Variants in RAD51B observed in about 807,000 individuals in gnomAD.
The protein encoded by RAD51B is DNA repair protein RAD51 homolog 2.
In RAD51B, 38 loss-of-function variants were observed where a neutral mutation model predicts 42.2. That is an observed-to-expected ratio of 0.90 (90% CI 0.70 to 1.18). RAD51B has a LOEUF of 1.18. Ranked by LOEUF, RAD51B falls within the 50% of genes most tolerant of loss-of-function variation. The probability of loss-of-function intolerance (pLI) is 0.00; values close to 1 mark genes in which losing one functional copy is unlikely to be tolerated. For missense variants in RAD51B, 373 were observed against 400.7 expected (o/e 0.93, Z 0.59); for synonymous variants, 154 against 145.2 (o/e 1.06, Z -0.43).
intron 5 of RAD51B, among the ~76,000 whole-genome samples, chr14:67,881,412 A>G (rs945898367): frequency 1.3e-5 from 2 of 152,186 alleles, no homozygotes; most frequent in East Asian, 1.9e-4. Flanking sequence ...TCTTTCCTCA[A>G]CCTCAAGTAG....
At chr14:67,940,051 T>TAC (rs1566969312) in intron 7 of RAD51B, among the ~76,000 whole-genome samples, 1 of 17,370 alleles carries the variant, frequency 5.8e-5, no homozygotes, top group East Asian at 1.2e-3. Context: ...TATATATATA[T>TAC]ATATTTTTTT....
At chr14:68,285,606 C>CCAT (rs541620918) in intron 7 of RAD51B, among the ~76,000 whole-genome samples, 427 of 152,300 alleles carry the variant, frequency 2.8e-3, no homozygotes, top group Non-Finnish European at 4.3e-3. Flanking sequence ...CTGCACCTCG[C>CCAT]CATCCTGGCC....
intron 8 of RAD51B, among the ~76,000 whole-genome samples, chr14:68,402,901 C>G (rs193160761): frequency 6.6e-6 from 1 of 152,310 alleles, no homozygotes; most frequent in East Asian, 1.9e-4. Flanking sequence ...TTACCAAGGC[C>G]TACTCTGAGG....
chr14:68,494,895 C>A (rs1884384735), intron 10 of RAD51B, among the ~76,000 whole-genome samples: 1 of 151,960 alleles, frequency 6.6e-6, no homozygotes, highest in South Asian at 2.1e-4. Flanking sequence ...CCATCAGGAC[C>A]CAGACATTGG....
At chr14:68,188,967 G>A (rs2079210589) in intron 7 of RAD51B, among the ~76,000 whole-genome samples, 1 of 151,558 alleles carries the variant, frequency 6.6e-6, no homozygotes, top group African/African-American at 2.4e-5. Flanking sequence ...CTTTGATAAG[G>A]CTTTGCTCCT....
rs113295183 is a variant in RAD51B at position 68,185,567 on chromosome 14, A to G, written c.757-106317A>G. Among the ~76,000 whole-genome samples the G allele has an allele frequency of 1.1e-3, 169 of 152,234 alleles. 1 individual carries two copies. The highest frequency in any genetic ancestry group is 3.9e-3 in the African/African-American group (163 of 41,562). On this transcript the variant is annotated intron_variant, in intron 7 of 10. Coordinates refer to ENST00000471583, the MANE Select transcript of RAD51B (RefSeq NM_133510.4). ...ATTATATCATGTTCTTGAGTAGATT[A>G]GGGAGAAAGAATAGAATTCAGGCAG...
chr14:68,008,564 C>G (rs1386737413), intron 7 of RAD51B, among the ~76,000 whole-genome samples: 1 of 151,812 alleles, frequency 6.6e-6, no homozygotes, highest in Non-Finnish European at 1.5e-5. Context: ...ATATGTATTG[C>G]TCTCTAACTA....
intron 7 of RAD51B, among the ~76,000 whole-genome samples, chr14:68,208,431 A>G (rs1208275428): frequency 6.6e-6 from 1 of 152,202 alleles, no homozygotes; most frequent in African/African-American, 2.4e-5. Context: ...CCCACTTTGA[A>G]AGCCAAGATA....
intron 7 of RAD51B, among the ~76,000 whole-genome samples, chr14:68,169,389 C>T (rs2078821258): frequency 6.6e-6 from 1 of 152,092 alleles, no homozygotes; most frequent in Admixed American, 6.6e-5. Context: ...TCTTAGTCTT[C>T]TTATTGATGA....
intron 7 of RAD51B, among the ~76,000 whole-genome samples, chr14:68,069,413 T>G (rs1022105862): frequency 2.0e-5 from 3 of 152,072 alleles, no homozygotes; most frequent in Admixed American, 1.3e-4. Flanking sequence ...AATTAAGTAG[T>G]TTTTAAAATC....
chr14:68,632,881 TC>T lies in RAD51B; in HGVS notation c.1037-17898del, dbSNP rs1892260152. Among the ~76,000 whole-genome samples the T allele has an allele frequency of 4.0e-5, 6 of 149,760 alleles. 1 individual carries two copies. Among genetic ancestry groups the T allele is most frequent in the South Asian group, 2.1e-4 (1 of 4,748 alleles). On this transcript the variant is annotated intron_variant, in intron 10 of 11. Coordinates refer to the RAD51B transcript ENST00000488612. ...GCCTTGACCACCCAGGCTCAAGTGA[TC>T]CTCCCACCCCAGCCTCCTGAGTAGC...
At chr14:68,237,637 G>A (rs1462689723) in intron 7 of RAD51B, among the ~76,000 whole-genome samples, 2 of 151,708 alleles carry the variant, frequency 1.3e-5, no homozygotes, top group South Asian at 2.1e-4. Context: ...TGTCTCTATG[G>A]ATTTGAGATT....
At chr14:68,062,826 A>AAG (rs1391249120) in intron 7 of RAD51B, among the ~76,000 whole-genome samples, 1 of 149,578 alleles carries the variant, frequency 6.7e-6, no homozygotes, top group Non-Finnish European at 1.5e-5. Flanking sequence ...AAAAAAAAAA[A>AAG]AAAAAGAAAA....
At chr14:68,599,730 A>G (rs2140092068), downstream of RAD51B, among the ~76,000 whole-genome samples, 2 of 152,316 alleles carry the variant, frequency 1.3e-5, no homozygotes, top group South Asian at 4.1e-4. Context: ...CTTCTTCACC[A>G]TAACTATAAG....
chr14:68,509,873 G>A (rs1211418587), intron 10 of RAD51B, among the ~76,000 whole-genome samples: 1 of 152,222 alleles, frequency 6.6e-6, no homozygotes, highest in Non-Finnish European at 1.5e-5. Flanking sequence ...AGTCGGCCAT[G>A]GTTTGCTTAC....
intron 7 of RAD51B, among the ~76,000 whole-genome samples, chr14:68,060,425 C>T (rs956140394): frequency 2.0e-5 from 3 of 152,164 alleles, no homozygotes; most frequent in African/African-American, 7.2e-5. Context: ...GCTACTTTCT[C>T]AGAATGCAAG....
chr14:68,479,348 C>CT (rs1882977168), downstream of RAD51B, among the ~76,000 whole-genome samples: 1 of 152,146 alleles, frequency 6.6e-6, no homozygotes, highest in South Asian at 2.1e-4. Flanking sequence ...GCACGTTGGC[C>CT]TTGAAAAAAC....
intron 5 of RAD51B, among the ~76,000 whole-genome samples, chr14:67,876,665 G>C (rs1336643263): frequency 6.6e-6 from 1 of 152,184 alleles, no homozygotes; most frequent in African/African-American, 2.4e-5. Context: ...ACCATTTTCT[G>C]AGGCATTCTA....
chr14:68,434,187 G>T lies in RAD51B; in HGVS notation c.957+22660G>T, dbSNP rs796577929. 4.0e-4 allele frequency among the ~76,000 whole-genome samples: 61 copies of T among 152,328 alleles called. 4 individuals carry two copies. Among genetic ancestry groups the T allele is most frequent in the African/African-American group, 1.4e-3 (60 of 41,568 alleles). On this transcript the variant is annotated intron_variant, in intron 9 of 10. Transcript: ENST00000471583. ...TGCCTCCCAGTTAAGCTACTCGGGG[G>T]TCAGGGACCCACTTGAGGAGGCAGT...
Sources: allele counts gnomAD v4.1 joint callset (sites outside exome capture counted in the v4.1 genomes callset), GRCh38; gene constraint gnomAD v4.1.1; transcripts MANE v1.5; gene names NCBI Gene and HGNC (gene_info 2026-07-23, HGNC 2026-07-21).